The following ANTXR2 variants were observed in gnomAD, a reference collection of about 807,000 sequenced individuals.
ANTXR2 encodes the protein ANTXR cell adhesion molecule 2.
ANTXR2 carries 44 observed loss-of-function variants against 73.7 expected under a neutral mutation model. The ratio of observed to expected loss-of-function variants is 0.60; its 90% CI spans 0.47 to 0.77. The LOEUF (loss-of-function observed/expected upper bound fraction) is 0.77, where lower values mean the gene tolerates loss of function less well. ANTXR2 is among the 30% of genes least tolerant of loss of function. ANTXR2 has a pLI of 0.00. For synonymous variants in ANTXR2, 217 were observed against 205.9 expected (o/e 1.05, Z -0.46); for missense variants, 604 against 592.5 (o/e 1.02, Z -0.20).
intron 7 of ANTXR2, 36 bp downstream of exon 7, chr4:80,054,236 G>T (rs774646025): frequency 2.9e-5 from 44 of 1,494,680 alleles, no homozygotes; most frequent in South Asian, 1.3e-4. Context: ...AATATACAAG[G>T]TTATGAGCCC....
chr4:80,050,918 C>A (rs1733743574), intron 7 of ANTXR2, among the ~76,000 whole-genome samples: 1 of 151,654 alleles, frequency 6.6e-6, no homozygotes, highest in East Asian at 1.9e-4. Flanking sequence ...TGAGCGCATT[C>A]TCAAAACAAG....
chr4:80,038,754 T>C (rs1415829808), intron 7 of ANTXR2, among the ~76,000 whole-genome samples: 2 of 151,962 alleles, frequency 1.3e-5, no homozygotes, highest in Non-Finnish European at 2.9e-5. Context: ...GAAAAGCAAA[T>C]AGTGAGAGCA....
chr4:80,049,574 A>T (rs1733681140), intron 7 of ANTXR2, among the ~76,000 whole-genome samples: 1 of 151,698 alleles, frequency 6.6e-6, no homozygotes, highest in Non-Finnish European at 1.5e-5. Flanking sequence ...TCCCTAAAGG[A>T]TATCCCCCAC....
chr4:80,034,662 T>A (rs1732872638), intron 8 of ANTXR2, among the ~76,000 whole-genome samples: 1 of 152,174 alleles, frequency 6.6e-6, no homozygotes, highest in Non-Finnish European at 1.5e-5. Context: ...TCAAATTAAA[T>A]TCCAATTATA....
chr4:80,039,060 T>C (rs1207141941), intron 7 of ANTXR2, among the ~76,000 whole-genome samples: 1 of 152,012 alleles, frequency 6.6e-6, no homozygotes, highest in Admixed American at 6.6e-5. Context: ...TATTAAAAAG[T>C]CTTATTAACA....
intron 16 of ANTXR2, among the ~76,000 whole-genome samples, chr4:79,945,427 T>C (rs1052895078): frequency 1.1e-4 from 16 of 152,144 alleles, no homozygotes; most frequent in African/African-American, 3.6e-4. Context: ...TTGTTATCAA[T>C]GGCTAAAATA....
chr4:79,964,565 G>C (rs1307754576), intron 16 of ANTXR2: 1 of 152,398 alleles, frequency 6.6e-6, no homozygotes, highest in Non-Finnish European at 1.5e-5. Flanking sequence ...GTGGCTTTCT[G>C]TCCTCGTCTC....
At chr4:80,002,575 T>G (rs2110047324) in intron 12 of ANTXR2, among the ~76,000 whole-genome samples, 1 of 152,032 alleles carries the variant, frequency 6.6e-6, no homozygotes, top group South Asian at 2.1e-4. Context: ...CTAATTAAAC[T>G]AAAGAGCTTC....
chr4:79,986,676 C>T (rs1730180245), intron 12 of ANTXR2, among the ~76,000 whole-genome samples: 1 of 152,244 alleles, frequency 6.6e-6, no homozygotes, highest in Middle Eastern at 3.4e-3. Flanking sequence ...TCTGGTGGCC[C>T]CCTACTTCAA....
intron 16 of ANTXR2, among the ~76,000 whole-genome samples, chr4:79,927,181 T>A (rs146282896): frequency 6.6e-6 from 1 of 151,558 alleles, no homozygotes; most frequent in Non-Finnish European, 1.5e-5. Context: ...ATAGAAAAAG[T>A]ACTGTACTAT....
At chr4:79,918,199 A>C (rs950647906) in intron 16 of ANTXR2, among the ~76,000 whole-genome samples, 2 of 152,110 alleles carry the variant, frequency 1.3e-5, no homozygotes, top group East Asian at 1.9e-4. Context: ...ACTAAGGAGA[A>C]TCTGAGCCCT....
intron 10 of ANTXR2, chr4:80,024,864 A>G: frequency 3.6e-6 from 1 of 277,348 alleles, no homozygotes; most frequent in Non-Finnish European, 7.3e-6. Context: ...TGAAGTCACA[A>G]AAGACAAGGG....
chr4:79,984,914 G>A, intron 12 of ANTXR2, 51 bp from the exon 13 acceptor site: 1 of 1,369,984 alleles, frequency 7.3e-7, no homozygotes, highest in Non-Finnish European at 1.0e-6. Flanking sequence ...AGAGGAGATA[G>A]TAAGGATGTG....
chr4:80,002,376 G>T (rs1326024558), intron 12 of ANTXR2, among the ~76,000 whole-genome samples: 1 of 152,066 alleles, frequency 6.6e-6, no homozygotes, highest in African/African-American at 2.4e-5. Context: ...GCTGAAACTG[G>T]ATCCCTTCCT....
At chr4:80,031,248 T>G (rs1241714484) in intron 10 of ANTXR2, among the ~76,000 whole-genome samples, 1 of 151,554 alleles carries the variant, frequency 6.6e-6, no homozygotes, top group Non-Finnish European at 1.5e-5. Context: ...ATCTCACTTT[T>G]GAACTGGGTG....
rs944732466 is a variant in ANTXR2 at position 79,901,322 on chromosome 4, G to A, written c.*6107C>T. On this transcript the variant is annotated 3_prime_UTR_variant, in exon 17 of 17. Coordinates refer to ENST00000403729, the MANE Select transcript of ANTXR2 (RefSeq NM_058172.6). ...CCCAATTACTTATACAAATCAGATG[G>A]TGGAGTACATGATAAGAAGTTTAGA... 1 of 152,120 alleles carries A rather than the reference G, an allele frequency of 6.6e-6. No individual in the cohort carries two copies. Among genetic ancestry groups the A allele is most frequent in the Non-Finnish European group, 1.5e-5 (1 of 67,986 alleles). The allele number at this position is 152,120 out of a possible 1,614,324, so 9.4% of individuals were successfully genotyped here.
intron 12 of ANTXR2, among the ~76,000 whole-genome samples, chr4:79,986,005 C>T (rs984172575): frequency 2.0e-5 from 3 of 152,032 alleles, no homozygotes; most frequent in Non-Finnish European, 4.4e-5. Flanking sequence ...CCACGCCTGG[C>T]TAATTTTTTT....
intron 10 of ANTXR2, among the ~76,000 whole-genome samples, chr4:80,020,586 C>A (rs991778796): frequency 3.9e-5 from 6 of 152,122 alleles, no homozygotes; most frequent in African/African-American, 1.4e-4. Context: ...AGATGGGGGG[C>A]AGGAGGCCCA....
intron 11 of ANTXR2, among the ~76,000 whole-genome samples, chr4:80,012,988 T>C (rs1299544757): frequency 1.3e-5 from 2 of 152,362 alleles, no homozygotes; most frequent in African/African-American, 4.8e-5. Flanking sequence ...TTAGCACATA[T>C]ACAGCAGAGC....
Sources: gnomAD v4.1 joint callset for allele counts (sites outside exome capture counted in the v4.1 genomes callset) on GRCh38, gnomAD v4.1.1 for gene constraint, MANE v1.5 for transcripts, NCBI Gene and HGNC (gene_info 2026-07-23, HGNC 2026-07-21) for gene names.